The following SH3BGRL variants were observed in gnomAD, a reference collection of about 807,000 sequenced individuals.
The protein encoded by SH3BGRL is adapter SH3BGRL.
A neutral mutation model predicts 9.8 loss-of-function variants in SH3BGRL; 7 were observed. The observed-to-expected ratio is 0.72, with a 90% CI of 0.41 to 1.35. SH3BGRL has a LOEUF of 1.35. SH3BGRL is among the 40% of genes most tolerant of loss of function. The probability of loss-of-function intolerance (pLI) is 0.01; values close to 1 mark genes in which losing one functional copy is unlikely to be tolerated. For missense variants in SH3BGRL, 73 were observed against 84.4 expected (o/e 0.86, Z 0.53); for synonymous variants, 36 against 29.1 (o/e 1.24, Z -0.76).
intron 1 of SH3BGRL, among the ~76,000 whole-genome samples, chrX:81,223,524 T>G (rs2075607225): frequency 9.0e-6 from 1 of 111,131 alleles, no homozygotes; most frequent in Admixed American, 9.6e-5. Context: ...TTGAAAAGCT[T>G]AAAATAAGTC....
chrX:81,278,841 T>C (rs2075806778), intron 3 of SH3BGRL, among the ~76,000 whole-genome samples: 1 of 112,192 alleles, frequency 8.9e-6, no homozygotes, highest in Admixed American at 9.4e-5. Flanking sequence ...ATTAAGAGCA[T>C]CTGCATTGCA....
At chrX:81,264,979 C>T (rs73508667) in intron 1 of SH3BGRL, among the ~76,000 whole-genome samples, 4,558 of 108,825 alleles carry the variant, frequency 0.042, 232 homozygotes, top group African/African-American at 0.14. Flanking sequence ...GAAGAAAAAC[C>T]CTTTTAACCC....
intron 1 of SH3BGRL, among the ~76,000 whole-genome samples, chrX:81,225,107 C>G (rs2075612679): frequency 9.0e-6 from 1 of 111,010 alleles, no homozygotes; most frequent in African/African-American, 3.3e-5. Context: ...TCAAGCCTTT[C>G]AAGTCTGAGG....
chrX:81,247,646 GGAAT>G (rs2075693467), intron 1 of SH3BGRL, among the ~76,000 whole-genome samples: 1 of 111,301 alleles, frequency 9.0e-6, no homozygotes, highest in Non-Finnish European at 1.9e-5. Context: ...TTGCATCCCA[GGAAT>G]GAAGTCCTGC....
chrX:81,229,929 C>T (rs1287280443), intron 1 of SH3BGRL, among the ~76,000 whole-genome samples: 1 of 111,808 alleles, frequency 8.9e-6, no homozygotes, highest in Non-Finnish European at 1.9e-5. Context: ...CACAACCTTT[C>T]CTTCCCAGCG....
At chrX:81,253,305 A>G (rs1349469926) in intron 1 of SH3BGRL, among the ~76,000 whole-genome samples, 2 of 112,278 alleles carry the variant, frequency 1.8e-5, no homozygotes, top group Non-Finnish European at 3.8e-5. Flanking sequence ...TGGAGATGGA[A>G]GAGTTCAGTC....
intron 1 of SH3BGRL, among the ~76,000 whole-genome samples, chrX:81,222,922 A>G (rs748076728): frequency 8.9e-6 from 1 of 112,353 alleles, no homozygotes; most frequent in East Asian, 2.8e-4. Flanking sequence ...TCTGATTGCC[A>G]GTGATGATGA....
intron 3 of SH3BGRL, 40 bp from the exon 4 acceptor site, chrX:81,297,155 G>T (rs759179636): frequency 7.7e-6 from 9 of 1,165,911 alleles, no homozygotes; most frequent in Non-Finnish European, 1.1e-5. Flanking sequence ...TCTGCTCTGT[G>T]ATGTTTAAAC....
At chrX:81,229,144 G>A (rs1470732531) in intron 1 of SH3BGRL, among the ~76,000 whole-genome samples, 2 of 110,810 alleles carry the variant, frequency 1.8e-5, no homozygotes, top group African/African-American at 6.6e-5. Flanking sequence ...AGGAGATTCT[G>A]AAATGGGAGA....
At chrX:81,289,799 A>C (rs1434148179) in intron 3 of SH3BGRL, among the ~76,000 whole-genome samples, 2 of 110,239 alleles carry the variant, frequency 1.8e-5, no homozygotes, top group Non-Finnish European at 3.8e-5. Context: ...TGGAGGTTGC[A>C]GTGAGCCAAG....
intron 1 of SH3BGRL, among the ~76,000 whole-genome samples, chrX:81,263,334 G>A (rs1007003496): frequency 1.8e-4 from 20 of 111,460 alleles, no homozygotes; most frequent in Admixed American, 9.5e-4. Flanking sequence ...GGTTGGAACC[G>A]GCCACAGGGA....
intron 3 of SH3BGRL, among the ~76,000 whole-genome samples, chrX:81,292,344 C>T (rs1462555833): frequency 8.9e-6 from 1 of 112,002 alleles, no homozygotes; most frequent in Non-Finnish European, 1.9e-5. Context: ...TCATCTGGAG[C>T]AGTGGCCTGA....
At chrX:81,209,002 GTTTT>G (rs11322797) in intron 1 of SH3BGRL, among the ~76,000 whole-genome samples, 14 of 54,609 alleles carry the variant, frequency 2.6e-4, no homozygotes, top group African/African-American at 8.3e-4. Flanking sequence ...GCATAACTAA[GTTTT>G]TTTTTTTTTT....
At chrX:81,237,370 C>T in intron 1 of SH3BGRL, 1 of 291,723 alleles carries the variant, frequency 3.4e-6, no homozygotes, top group Admixed American at 3.7e-5. Context: ...ACCAGTGTCG[C>T]CCATAACTCC....
chrX:81,271,087 T>A lies in SH3BGRL; in HGVS notation c.46-5897T>A, dbSNP rs781041506. 3.6e-5 allele frequency among the ~76,000 whole-genome samples: 4 copies of A among 112,194 alleles called. No individual in the cohort carries two copies. In the South Asian group the frequency reaches 1.5e-3, roughly 41 times the overall value. Reference sequence around the variant, plus strand: ...GGAGGGGATCTCCTGGTCGGCTGGTTGCGAAGACTTTAGGAAAAGTGCAGT... The same window carrying A: ...GGAGGGGATCTCCTGGTCGGCTGGTAGCGAAGACTTTAGGAAAAGTGCAGT... On this transcript the variant is annotated intron_variant, in intron 1 of 3. Transcript: ENST00000373212.
At chrX:81,234,628 G>A (rs1397584595) in intron 1 of SH3BGRL, among the ~76,000 whole-genome samples, 2 of 111,992 alleles carry the variant, frequency 1.8e-5, no homozygotes, top group East Asian at 5.6e-4. Flanking sequence ...AAAGTTCTTA[G>A]ATGAGGCTTA....
chrX:81,253,048 A>G (rs1243324537), intron 1 of SH3BGRL, among the ~76,000 whole-genome samples: 2 of 112,348 alleles, frequency 1.8e-5, no homozygotes, highest in Non-Finnish European at 3.8e-5. Context: ...TTATGTCAAT[A>G]AGTGATTCTC....
At chrX:81,246,842 C>T (rs5959859) in intron 1 of SH3BGRL, among the ~76,000 whole-genome samples, 1,383 of 111,503 alleles carry the variant, frequency 0.012, 28 homozygotes, top group African/African-American at 0.043. Flanking sequence ...TCTAGTTCTG[C>T]GAAGAATGTT....
At chrX:81,228,717 C>T (rs181465388) in intron 1 of SH3BGRL, among the ~76,000 whole-genome samples, 226 of 111,592 alleles carry the variant, frequency 2.0e-3, no homozygotes, top group African/African-American at 4.8e-3. Context: ...TTTTGGTCTA[C>T]AGTATATAGT....
Sources: allele counts gnomAD v4.1 joint callset (sites outside exome capture counted in the v4.1 genomes callset), GRCh38; gene constraint gnomAD v4.1.1; transcripts MANE v1.5; gene names NCBI Gene and HGNC (gene_info 2026-07-23, HGNC 2026-07-21).